Variants in STC2 observed in about 807,000 individuals in gnomAD.
STC2 encodes stanniocalcin-2.
A neutral mutation model predicts 22.7 loss-of-function variants in STC2; 7 were observed. The observed-to-expected ratio is 0.31, with a 90% confidence interval of 0.18 to 0.58. The LOEUF is 0.58. Ranked by LOEUF, STC2 falls within the 20% of genes least tolerant of loss-of-function variation. STC2 has a pLI of 0.89. For missense variants in STC2, 336 were observed against 406.2 expected, an observed-to-expected ratio of 0.83 and a Z score of 1.48; for synonymous variants, 158 against 163.4, an observed-to-expected ratio of 0.97 and a Z score of 0.25.
chr5:173,321,149 G>A (rs1265944413), intron 3 of STC2, among the ~76,000 whole-genome samples: 1 of 151,936 alleles, frequency 6.6e-6, no homozygotes, highest in Non-Finnish European at 1.5e-5. Flanking sequence ...AATGGTGTGA[G>A]GAGACCATGG....
Position 173,317,628 on chromosome 5 carries a change from G to T in STC2, c.*219C>A, listed in dbSNP as rs188186746. 1 of 466,896 alleles carries T rather than the reference G, an allele frequency of 2.1e-6. No individual in the cohort carries two copies. Among genetic ancestry groups the T allele is most frequent in the Non-Finnish European group, 3.7e-6 (1 of 271,996 alleles). The allele number at this position is 466,896 out of a possible 1,614,324, so 28.9% of individuals were successfully genotyped here. On this transcript the variant is annotated 3_prime_UTR_variant, in exon 4 of 4. Transcript: ENST00000265087. Reference sequence around the variant, plus strand: ...AACGCGGGCGCGCTCCCTTGAGTACGTGTAAGTGCAGAATTCACCAGGCAC... The same window carrying T: ...AACGCGGGCGCGCTCCCTTGAGTACTTGTAAGTGCAGAATTCACCAGGCAC...
At chr5:173,327,187 C>A (rs1762558329) in intron 1 of STC2, among the ~76,000 whole-genome samples, 1 of 152,262 alleles carries the variant, frequency 6.6e-6, no homozygotes, top group Non-Finnish European at 1.5e-5. Flanking sequence ...AATGGGCACT[C>A]GTGCATTCCA....
At chr5:173,326,827 C>A (rs973009545) in intron 1 of STC2, 5 of 152,178 alleles carry the variant, frequency 3.3e-5, no homozygotes. Flanking sequence ...CAGGCTGCAG[C>A]GTGCAAAGCC....
At chr5:173,327,698 C>T (rs1762567248) in intron 1 of STC2, among the ~76,000 whole-genome samples, 1 of 152,262 alleles carries the variant, frequency 6.6e-6, no homozygotes, top group South Asian at 2.1e-4. Flanking sequence ...TCCCGCGTGC[C>T]GGCCGGGATG....
Position 173,315,035 on chromosome 5 carries a change from T to C in STC2, c.*2812A>G, listed in dbSNP as rs1044835131. On this transcript the variant is annotated 3_prime_UTR_variant, in exon 4 of 4. Transcript: ENST00000265087. ...TTTAGATGTCAGCATTTTACTATACTTGGTCCTCTCACTTCAGAATAACAG... is the reference window on the plus strand; with the variant it reads ...TTTAGATGTCAGCATTTTACTATACCTGGTCCTCTCACTTCAGAATAACAG... The C allele has an allele frequency of 6.6e-6, 1 of 152,212 alleles. No individual in the cohort carries two copies. Among genetic ancestry groups the C allele is most frequent in the Non-Finnish European group, 1.5e-5 (1 of 68,028 alleles). The allele number at this position is 152,212 out of a possible 1,614,324, so 9.4% of individuals were successfully genotyped here. A position where few individuals can be genotyped will look rare whatever the true frequency, so the allele number is the denominator to read the frequency against.
intron 3 of STC2, among the ~76,000 whole-genome samples, chr5:173,321,280 C>T (rs1168526760): frequency 6.6e-6 from 1 of 152,148 alleles, no homozygotes; most frequent in Non-Finnish European, 1.5e-5. Context: ...ATACTTTTCT[C>T]CAAGAAAGAT....
rs1762438129 is a variant in STC2, at chr5:173,317,699, TC to T, written c.*147del. Reference sequence around the variant, plus strand: ...AGGGGTCTCCATCTCACCTGTCCGTTCCGCGAACACACACCTCGATGAAGTC... The same window carrying T: ...AGGGGTCTCCATCTCACCTGTCCGTTCGCGAACACACACCTCGATGAAGTC... On this transcript the variant is annotated 3_prime_UTR_variant, in exon 4 of 4. Coordinates refer to ENST00000265087, the MANE Select transcript of STC2 (RefSeq NM_003714.3). 4 of 1,143,008 alleles carry T rather than the reference TC, an allele frequency of 3.5e-6. No homozygotes were observed. In the East Asian group the frequency reaches 9.9e-5, roughly 28 times the overall value. 70.8% of individuals were successfully genotyped at this position (1,143,008 alleles called of 1,614,324 possible). A position where few individuals can be genotyped will look rare whatever the true frequency, so the allele number is the denominator to read the frequency against.
intron 3 of STC2, among the ~76,000 whole-genome samples, chr5:173,319,339 G>A (rs545935351): frequency 1.3e-5 from 2 of 152,206 alleles, no homozygotes; most frequent in Admixed American, 6.5e-5. Context: ...CCCCCCAAGG[G>A]GGGTATAGAA....
chr5:173,318,102 A>G lies in STC2; in HGVS notation c.654T>C (p.Pro218=). The stretch of plus-strand genomic sequence containing the variant: ...GCTGGCGCTCGGGGGGCGCCGTGGG[A>G]GGCTTCTGGATGGCCGAGGTGCAGA... ...LSFCTSAIQK[P]PTAPPERQPQ... Residue 218 remains proline, a synonymous_variant, in exon 4 of 4, where the codon CCT becomes CCC. Coordinates refer to ENST00000265087, the MANE Select transcript of STC2 (RefSeq NM_003714.3). 2 of 1,608,460 alleles carry G rather than the reference A, an allele frequency of 1.2e-6. No homozygotes were observed. Among genetic ancestry groups the G allele is most frequent in the African/African-American group, 1.3e-5 (1 of 74,488 alleles).
rs1209170645 is a variant in STC2 at position 173,323,075 on chromosome 5, C to G, written c.506+144G>C. On this transcript the variant is annotated intron_variant, in intron 3 of 3. Transcript: ENST00000265087. This position sits in a 1 kb window ranked among gnomAD's most constrained non-coding sequence, Gnocchi z 5.4. ...CAGGAAAGGGGCCTTTTAGTAGAGTCAGTGTAGCTTTCTGAAGTAAATGGA... is the reference window on the plus strand; with the variant it reads ...CAGGAAAGGGGCCTTTTAGTAGAGTGAGTGTAGCTTTCTGAAGTAAATGGA... 1 of 739,798 alleles carries G rather than the reference C, an allele frequency of 1.4e-6. No homozygotes were observed. Among genetic ancestry groups the G allele is most frequent in the African/African-American group, 1.7e-5 (1 of 57,160 alleles). The allele number at this position is 739,798 out of a possible 1,614,324, so 45.8% of individuals were successfully genotyped here.
Position 173,323,699 on chromosome 5 carries a change from C to T in STC2, c.295-269G>A, listed in dbSNP as rs1296856750. 1.3e-5 allele frequency among the ~76,000 whole-genome samples: 2 copies of T among 152,212 alleles called. No individual in the cohort carries two copies. The highest frequency in any genetic ancestry group is 4.8e-5 in the African/African-American group (2 of 41,448). ...TCTCCCTCCTTCCTCCCTGGCTACT[C>T]TGTGAGTTTCCCTCCAACGGGGGCT... On this transcript the variant is annotated intron_variant, in intron 2 of 3. Coordinates refer to ENST00000265087, the MANE Select transcript of STC2 (RefSeq NM_003714.3). This position sits in a 1 kb window ranked among gnomAD's most constrained non-coding sequence, Gnocchi z 5.4.
At chr5:173,324,379 G>C (rs1762521278) in intron 2 of STC2, 2 of 152,402 alleles carry the variant, frequency 1.3e-5, no homozygotes, top group Non-Finnish European at 1.5e-5. Context: ...CGTCGGAGAG[G>C]TCACCCCTCT....
Position 173,324,562 on chromosome 5 carries a change from C to T in STC2, c.295-1132G>A, listed in dbSNP as rs1762523267. 2.0e-5 allele frequency among the ~76,000 whole-genome samples: 3 copies of T among 152,178 alleles called. No individual in the cohort carries two copies. In the South Asian group the frequency reaches 6.2e-4, roughly 32 times the overall value. ...GTGGCCCGCATGGCCTCCCCGTGGC[C>T]CCCTCTCTTTTGACTCTCCAGCCAG... On this transcript the variant is annotated intron_variant, in intron 2 of 3. Transcript: ENST00000265087.
At position 173,326,144 on chromosome 5, in the gene STC2, C is replaced by T. The variant is rs1762543946; in HGVS notation, c.152-134G>A. The T allele has an allele frequency of 3.6e-5, 36 of 990,938 alleles. 1 individual carries two copies. Among genetic ancestry groups the T allele is most frequent in the South Asian group, 2.2e-4 (10 of 45,920 alleles). The allele number at this position is 990,938 out of a possible 1,614,324, so 61.4% of individuals were successfully genotyped here. On this transcript the variant is annotated intron_variant, in intron 1 of 3. Coordinates refer to ENST00000265087, the MANE Select transcript of STC2 (RefSeq NM_003714.3). ...AAAAAAGACTTAGTAATGACTATTT[C>T]AGGACCTAAAAAGCCTGGGAAACAA...
In STC2 at chr5:173,316,202, G is replaced by A. The variant is rs1762418706; in HGVS notation, c.*1645C>T. ...GGGAGCCTGTTAAATAAATCTTCCT[G>A]GAAGGGAGCCAAGCCCTCTCGTTTG... On this transcript the variant is annotated 3_prime_UTR_variant, in exon 4 of 4. Coordinates refer to ENST00000265087, the MANE Select transcript of STC2 (RefSeq NM_003714.3). The A allele has an allele frequency of 6.6e-6, 1 of 152,178 alleles. No individual in the cohort carries two copies. Among genetic ancestry groups the A allele is most frequent in the South Asian group, 2.1e-4 (1 of 4,824 alleles). 9.4% of individuals were successfully genotyped at this position (152,178 alleles called of 1,614,324 possible). A position where few individuals can be genotyped will look rare whatever the true frequency, so the allele number is the denominator to read the frequency against.
chr5:173,323,529 A>G lies in STC2; in HGVS notation c.295-99T>C. On this transcript the variant is annotated intron_variant, in intron 2 of 3. Coordinates refer to ENST00000265087, the MANE Select transcript of STC2 (RefSeq NM_003714.3). This position sits in a 1 kb window ranked among gnomAD's most constrained non-coding sequence, Gnocchi z 5.4. The stretch of plus-strand genomic sequence containing the variant: ...AGCCCTTCTTGGGCTTACACAGGAT[A>G]TTTCTGACATCAGAACCCCAAGGCC... 8.4e-7 allele frequency: 1 copy of G among 1,195,398 alleles called. No individual in the cohort carries two copies. The highest frequency in any genetic ancestry group is 1.4e-5 in the South Asian group (1 of 72,296). 74.0% of individuals were successfully genotyped at this position (1,195,398 alleles called of 1,614,324 possible).
In STC2 at chr5:173,323,697, C is replaced by T. The variant is rs1369887545; in HGVS notation, c.295-267G>A. Among the ~76,000 whole-genome samples the T allele has an allele frequency of 6.6e-6, 1 of 152,234 alleles. No homozygotes were observed. Among genetic ancestry groups the T allele is most frequent in the Non-Finnish European group, 1.5e-5 (1 of 68,042 alleles). On this transcript the variant is annotated intron_variant, in intron 2 of 3. Transcript: ENST00000265087. This position sits in a 1 kb window ranked among gnomAD's most constrained non-coding sequence, Gnocchi z 5.4. ...CATCTCCCTCCTTCCTCCCTGGCTA[C>T]TCTGTGAGTTTCCCTCCAACGGGGG...
rs772059835 is a variant in STC2 at position 173,328,036 on chromosome 5, C to T, written c.151+7G>A. Reference sequence around the variant, plus strand: ...TAGCTCCCGGCTGCGGGGGCACATGCACTTACCTGTATTCTGCAGGGACAG... The same window carrying T: ...TAGCTCCCGGCTGCGGGGGCACATGTACTTACCTGTATTCTGCAGGGACAG... On this transcript the variant is annotated splice_region_variant and intron_variant, in intron 1 of 3. Transcript: ENST00000265087. The T allele has an allele frequency of 5.2e-6, 8 of 1,535,922 alleles. No homozygotes were observed. The highest frequency in any genetic ancestry group is 1.4e-5 in the African/African-American group (1 of 71,754).
rs1343096437 is a variant in STC2 at position 173,323,060 on chromosome 5, G to T, written c.506+159C>A. On this transcript the variant is annotated intron_variant, in intron 3 of 3. Transcript: ENST00000265087. The surrounding 1 kb of genome is among the most constrained non-coding windows in gnomAD (Gnocchi z 5.4). ...TTTCCTAAAAGCCAGCAGGAAAGGG[G>T]CCTTTTAGTAGAGTCAGTGTAGCTT... 1 of 660,868 alleles carries T rather than the reference G, an allele frequency of 1.5e-6. No homozygotes were observed. Among genetic ancestry groups the T allele is most frequent in the Admixed American group, 2.8e-5 (1 of 35,740 alleles). The allele number at this position is 660,868 out of a possible 1,614,324, so 40.9% of individuals were successfully genotyped here.
Sources: allele counts gnomAD v4.1 joint callset (sites outside exome capture counted in the v4.1 genomes callset), GRCh38; gene constraint gnomAD v4.1.1; non-coding constraint Gnocchi (gnomAD v3.1); transcripts MANE v1.5; gene names NCBI Gene and HGNC (gene_info 2026-07-23, HGNC 2026-07-21).